The following SLC35E4 variants were observed in gnomAD, a reference collection of about 807,000 sequenced individuals.
The protein encoded by SLC35E4 is solute carrier family 35, member E4.
Under a neutral mutation model 19.3 loss-of-function variants are expected in SLC35E4, and 15 were observed. That is an observed-to-expected ratio of 0.78 (90% CI 0.52 to 1.20). SLC35E4 has a LOEUF of 1.20. Ranked by LOEUF, SLC35E4 falls within the 50% of genes most tolerant of loss-of-function variation. The pLI is 0.00. For missense variants in SLC35E4, 406 were observed against 472.3 expected (o/e 0.86, Z 1.30); for synonymous variants, 219 against 219.9 (o/e 1.00, Z 0.04).
At chr22:30,667,260 TTTATGGTCCA>T (rs1241951054), downstream of SLC35E4, 2 of 152,206 alleles carry the variant, frequency 1.3e-5, no homozygotes, top group African/African-American at 4.8e-5. Context: ...GAAGCCGACC[TTTATGGTCCA>T]TTATGTGTGG....
At chr22:30,657,624 G>A in intron 2 of SLC35E4, among the ~76,000 whole-genome samples, 1 of 151,914 alleles carries the variant, frequency 6.6e-6, no homozygotes, top group East Asian at 1.9e-4. Context: ...TAAAAAATAG[G>A]CCAGGCGCGG....
At chr22:30,662,760 T>C (rs1287720072) in exon 3 of SLC35E4, 4 of 151,934 alleles carry the variant, frequency 2.6e-5, no homozygotes, top group African/African-American at 9.7e-5. Context: ...GCCTGAGAGG[T>C]TGTGGCTACA....
In SLC35E4 at chr22:30,636,448, C is replaced by T; in HGVS notation, c.-3C>T. On this transcript the variant is annotated 5_prime_UTR_variant, in exon 1 of 2. Coordinates refer to ENST00000343605, the MANE Select transcript of SLC35E4 (RefSeq NM_001001479.4). ...GCCTCCTGCCCTAGCCTCACTGGTG[C>T]GGATGTGCCGCTGCCCGCCGGAGCA... The T allele has an allele frequency of 2.7e-6, 4 of 1,481,112 alleles. No individual in the cohort carries two copies. The highest frequency in any genetic ancestry group is 3.6e-6 in the Non-Finnish European group (4 of 1,109,360). 91.7% of individuals were successfully genotyped at this position (1,481,112 alleles called of 1,614,324 possible).
At chr22:30,666,060 G>C (rs2088644265), downstream of SLC35E4, among the ~76,000 whole-genome samples, 1 of 152,180 alleles carries the variant, frequency 6.6e-6, no homozygotes, top group Non-Finnish European at 1.5e-5. Flanking sequence ...AGGACAGAGA[G>C]GGCTGGCTTG....
chr22:30,653,619 C>A (rs531795780), intron 2 of SLC35E4, among the ~76,000 whole-genome samples: 1 of 152,098 alleles, frequency 6.6e-6, no homozygotes, highest in South Asian at 2.1e-4. Context: ...GTGACCCGCC[C>A]CCCCTCGGCC....
At chr22:30,652,767 G>C (rs2088248129), downstream of SLC35E4, among the ~76,000 whole-genome samples, 1 of 152,238 alleles carries the variant, frequency 6.6e-6, no homozygotes, top group Non-Finnish European at 1.5e-5. Context: ...CAAAGTGAGT[G>C]ATTCAAGAGA....
At chr22:30,648,652 C>T (rs972098565), downstream of SLC35E4, among the ~76,000 whole-genome samples, 1 of 152,146 alleles carries the variant, frequency 6.6e-6, no homozygotes, top group Non-Finnish European at 1.5e-5. Context: ...ATCGCTGGAA[C>T]CCAGGAGGCA....
chr22:30,665,780 C>A (rs1226420744), downstream of SLC35E4, among the ~76,000 whole-genome samples: 1 of 152,194 alleles, frequency 6.6e-6, no homozygotes, highest in Non-Finnish European at 1.5e-5. Context: ...CACTCTATCA[C>A]CAACTAGTGC....
At chr22:30,666,621 CAAAAAAAAAAAAA>C (rs55979351), downstream of SLC35E4, among the ~76,000 whole-genome samples, 1 of 62,498 alleles carries the variant, frequency 1.6e-5, no homozygotes, top group African/African-American at 7.5e-5. Flanking sequence ...GACTCCATCT[CAAAAAAAAAAAAA>C]AAAAAAAAAA....
At position 30,646,820 on chromosome 22, in the gene SLC35E4, C is replaced by T. The variant is rs775265617; in HGVS notation, c.842C>T (p.Ala281Val). 2 of 1,614,240 alleles carry T rather than the reference C, an allele frequency of 1.2e-6. No individual in the cohort carries two copies. The highest frequency in any genetic ancestry group is 2.2e-5 in the South Asian group (2 of 91,090). Reference protein sequence around the residue: ...ASFSLLALTSALTVHVLGNLT... With the variant: ...ASFSLLALTSVLTVHVLGNLT... ...TTCTCCCTGCTGGCCCTCACCTCTG[C>T]CCTCACCGTCCACGTCCTGGGCAAC... The change falls in exon 2 of 2, where the codon GCC (alanine) becomes GTC (valine). Residue 281 changes from alanine (A) to valine (V), a missense_variant. Physicochemically the swap from Ala to Val is moderately conservative, Grantham distance 64 (BLOSUM62 0). Transcript: ENST00000343605.
chr22:30,661,671 T>C (rs548706853), intron 2 of SLC35E4: 1 of 152,352 alleles, frequency 6.6e-6, no homozygotes, highest in East Asian at 1.9e-4. Flanking sequence ...AGAGCAGCTG[T>C]GCTTTTGTTT....
chr22:30,649,020 C>G (rs1285744984), downstream of SLC35E4: 5 of 601,502 alleles, frequency 8.3e-6, no homozygotes, highest in Admixed American at 2.9e-5. Context: ...CTTTCCTTGG[C>G]TCTTGTAACA....
At position 30,637,087 on chromosome 22, in the gene SLC35E4, C is replaced by A. The variant is rs757292623; in HGVS notation, c.619+18C>A. The stretch of plus-strand genomic sequence containing the variant: ...TCAGCAAAGTAAGTGCCTGGGTGGC[C>A]AATTGAGAAGGTGGGGGTCCGGGTG... On this transcript the variant is annotated intron_variant, in intron 1 of 1. Transcript: ENST00000343605. 80 of 1,543,850 alleles carry A rather than the reference C, an allele frequency of 5.2e-5. No homozygotes were observed. Among genetic ancestry groups the A allele is most frequent in the Non-Finnish European group, 6.5e-5 (74 of 1,141,264 alleles).
downstream of SLC35E4, among the ~76,000 whole-genome samples, chr22:30,650,811 G>A (rs2088197065): frequency 1.3e-5 from 2 of 152,166 alleles, no homozygotes; most frequent in Non-Finnish European, 2.9e-5. Context: ...TCCCGCCTGA[G>A]CATAGCAGCG....
downstream of SLC35E4, chr22:30,663,912 T>G (rs750448299): frequency 2.5e-6 from 4 of 1,614,096 alleles, no homozygotes; most frequent in Non-Finnish European, 3.4e-6. Flanking sequence ...GGCCACACCA[T>G]TGCTGATATA....
exon 3 of SLC35E4, chr22:30,663,285 T>C (rs2088531430): frequency 1.3e-6 from 1 of 772,136 alleles, no homozygotes; most frequent in Admixed American, 3.0e-5. Flanking sequence ...ATTATAAAGT[T>C]AAAAGCTACA....
downstream of SLC35E4, among the ~76,000 whole-genome samples, chr22:30,648,183 G>T (rs2088164462): frequency 6.6e-6 from 1 of 152,112 alleles, no homozygotes; most frequent in Admixed American, 6.5e-5. Context: ...GTTCCTCACT[G>T]CTCTTGGGAC....
intron 2 of SLC35E4, among the ~76,000 whole-genome samples, chr22:30,658,489 T>G (rs1240221490): frequency 6.6e-6 from 1 of 151,952 alleles, no homozygotes; most frequent in Non-Finnish European, 1.5e-5. Context: ...ATCTGCAATC[T>G]GAAAAGTAGA....
At chr22:30,638,442 C>T (rs2087983814) in intron 1 of SLC35E4, among the ~76,000 whole-genome samples, 1 of 137,712 alleles carries the variant, frequency 7.3e-6, no homozygotes, top group Non-Finnish European at 1.5e-5. Context: ...GCAGAGGTTG[C>T]AGTGAGCCAA....
Sources: gnomAD v4.1 joint callset for allele counts (sites outside exome capture counted in the v4.1 genomes callset) on GRCh38, gnomAD v4.1.1 for gene constraint, MANE v1.5 for transcripts, NCBI Gene and HGNC (gene_info 2026-07-23, HGNC 2026-07-21) for gene names.